The following PRR16 variants were observed in gnomAD, a reference collection of about 807,000 sequenced individuals.
The protein encoded by PRR16 is proline rich 16.
In PRR16, 6 loss-of-function variants were observed where a neutral mutation model predicts 18.2. That is an observed-to-expected ratio of 0.33 (90% CI 0.18 to 0.65). PRR16 has a LOEUF of 0.65. PRR16 is among the 30% of genes least tolerant of loss of function. PRR16 has a pLI of 0.74. For missense variants in PRR16, 412 were observed against 376.6 expected, an observed-to-expected ratio of 1.09 and a Z score of -0.78; for synonymous variants, 151 against 147.8, an observed-to-expected ratio of 1.02 and a Z score of -0.16.
intron 1 of PRR16, among the ~76,000 whole-genome samples, chr5:120,504,470 T>C (rs765946942): frequency 3.3e-5 from 5 of 152,110 alleles, no homozygotes; most frequent in Admixed American, 6.6e-5. Context: ...GTCTTTTTCA[T>C]CTACTGTCTT....
At chr5:120,489,962 G>C (rs986061605) in intron 1 of PRR16, among the ~76,000 whole-genome samples, 2 of 152,284 alleles carry the variant, frequency 1.3e-5, no homozygotes, top group South Asian at 2.1e-4. Flanking sequence ...TTTTCTTTAA[G>C]AATGTTGAAT....
the PRR16 span, among the ~76,000 whole-genome samples, chr5:120,750,836 A>G: frequency 1.3e-5 from 2 of 152,132 alleles, no homozygotes; most frequent in African/African-American, 4.8e-5. Context: ...CCACTTCTCT[A>G]GTTATTTTAA....
chr5:120,513,944 G>A (rs1750908604), intron 1 of PRR16, among the ~76,000 whole-genome samples: 1 of 151,900 alleles, frequency 6.6e-6, no homozygotes, highest in African/African-American at 2.4e-5. Flanking sequence ...ATTTTTAGTA[G>A]AGACGGAGTT....
At chr5:120,693,250 G>C in the PRR16 span, among the ~76,000 whole-genome samples, 1 of 151,932 alleles carries the variant, frequency 6.6e-6, no homozygotes, top group African/African-American at 2.4e-5. Context: ...TACTCAACCA[G>C]GTTTGAGATT....
chr5:120,672,408 C>T (rs1474919403), intron 1 of PRR16, among the ~76,000 whole-genome samples: 1 of 151,774 alleles, frequency 6.6e-6, no homozygotes, highest in Admixed American at 6.6e-5. Context: ...ATGGGTGGCA[C>T]AGGAGCCTCC....
At chr5:120,679,540 T>C (rs573350554) in intron 1 of PRR16, among the ~76,000 whole-genome samples, 1 of 152,314 alleles carries the variant, frequency 6.6e-6, no homozygotes, top group African/African-American at 2.4e-5. Flanking sequence ...TGTAATAAAA[T>C]CTAATTGGTT....
At chr5:120,728,720 G>A in the PRR16 span, among the ~76,000 whole-genome samples, 1 of 152,126 alleles carries the variant, frequency 6.6e-6, no homozygotes, top group Non-Finnish European at 1.5e-5. Flanking sequence ...ATCTGGGCAG[G>A]AGTAACCTGC....
chr5:120,767,313 G>C, the PRR16 span, among the ~76,000 whole-genome samples: 1 of 151,924 alleles, frequency 6.6e-6, no homozygotes, highest in Non-Finnish European at 1.5e-5. Context: ...GGGCACCATA[G>C]AAGTAGGCAA....
At chr5:120,585,574 G>A (rs995088195) in intron 1 of PRR16, among the ~76,000 whole-genome samples, 4 of 151,136 alleles carry the variant, frequency 2.6e-5, no homozygotes, top group Middle Eastern at 3.2e-3. Context: ...AGCTGAGATC[G>A]TGTCGTTCAC....
intron 1 of PRR16, among the ~76,000 whole-genome samples, chr5:120,595,741 G>A (rs1267991416): frequency 6.6e-6 from 1 of 151,874 alleles, no homozygotes; most frequent in Admixed American, 6.6e-5. Context: ...AATAGAATTT[G>A]TGATGTTCTT....
chr5:120,568,980 A>C (rs1752820680), intron 1 of PRR16, among the ~76,000 whole-genome samples: 2 of 152,012 alleles, frequency 1.3e-5, no homozygotes, highest in Non-Finnish European at 2.9e-5. Context: ...TTTATGCCCC[A>C]ACTTCTAAAT....
At chr5:120,496,457 G>C (rs1194702481) in intron 1 of PRR16, among the ~76,000 whole-genome samples, 1 of 151,932 alleles carries the variant, frequency 6.6e-6, no homozygotes, top group African/African-American at 2.4e-5. Flanking sequence ...TCAAGGAACT[G>C]ATGTATTAAA....
chr5:120,693,618 C>A, the PRR16 span, among the ~76,000 whole-genome samples: 1 of 152,174 alleles, frequency 6.6e-6, no homozygotes, highest in African/African-American at 2.4e-5. Context: ...TTTATAATAT[C>A]TTCTAGATTG....
chr5:120,599,422 C>T (rs1418357830), intron 1 of PRR16, among the ~76,000 whole-genome samples: 1 of 151,798 alleles, frequency 6.6e-6, no homozygotes, highest in Non-Finnish European at 1.5e-5. Flanking sequence ...TATATTTACT[C>T]ACTGGTTCCT....
At chr5:120,619,894 A>G (rs530057831) in intron 1 of PRR16, among the ~76,000 whole-genome samples, 1 of 152,218 alleles carries the variant, frequency 6.6e-6, no homozygotes, top group Admixed American at 6.6e-5. Flanking sequence ...GACTAAAACA[A>G]TGTAATACAA....
At chr5:120,778,714 T>A in the PRR16 span, among the ~76,000 whole-genome samples, 1 of 152,180 alleles carries the variant, frequency 6.6e-6, no homozygotes, top group Non-Finnish European at 1.5e-5. Flanking sequence ...GGAGACAAGT[T>A]AACCTGATTA....
intron 1 of PRR16, among the ~76,000 whole-genome samples, chr5:120,478,280 A>G (rs772470866): frequency 5.3e-5 from 8 of 152,172 alleles, no homozygotes; most frequent in Non-Finnish European, 1.2e-4. Flanking sequence ...CTTATTAAAG[A>G]TTTCATATGA....
At chr5:120,469,138 A>G (rs1057490763) in intron 1 of PRR16, among the ~76,000 whole-genome samples, 1 of 152,202 alleles carries the variant, frequency 6.6e-6, no homozygotes, top group African/African-American at 2.4e-5. Flanking sequence ...ATTTGAACTG[A>G]TGAAAACAGA....
chr5:120,618,857 C>T (rs148807996), intron 1 of PRR16, among the ~76,000 whole-genome samples: 55 of 151,828 alleles, frequency 3.6e-4, no homozygotes, highest in Middle Eastern at 3.4e-3. Context: ...ACTTGAATTC[C>T]TGAGACCTTA....
Sources: gnomAD v4.1 joint callset for allele counts (sites outside exome capture counted in the v4.1 genomes callset) on GRCh38, gnomAD v4.1.1 for gene constraint, MANE v1.5 for transcripts, NCBI Gene and HGNC (gene_info 2026-07-23, HGNC 2026-07-21) for gene names.